The following DENND4C variants were observed in gnomAD, a reference collection of about 807,000 sequenced individuals.
The protein encoded by DENND4C is DENN domain containing 4C.
A neutral mutation model predicts 203.0 loss-of-function variants in DENND4C; 108 were observed. The ratio of observed to expected loss-of-function variants is 0.53; its 90% CI spans 0.46 to 0.62. The LOEUF (loss-of-function observed/expected upper bound fraction) is 0.62. Among genes scored for constraint, DENND4C ranks in the 20% least tolerant of loss-of-function variants. DENND4C has a pLI of 0.00. For missense variants in DENND4C, 2,481 were observed against 2,301.2 expected (o/e 1.08, Z -1.60); for synonymous variants, 871 against 792.4 (o/e 1.10, Z -1.67).
chr9:19,295,489 A>G (rs1407144477), intron 5 of DENND4C, among the ~76,000 whole-genome samples: 7 of 151,828 alleles, frequency 4.6e-5, no homozygotes, highest in Admixed American at 2.0e-4. Flanking sequence ...TGGGTGACAG[A>G]GCAAGACTCC....
chr9:19,300,035 A>T (rs917951347), intron 8 of DENND4C, 152 bp from the exon 9 acceptor site: 3 of 719,554 alleles, frequency 4.2e-6, no homozygotes, highest in African/African-American at 3.6e-5. Flanking sequence ...CCCGTTATCT[A>T]TCTTATTAAA....
At chr9:19,257,687 T>C (rs979346094) in intron 1 of DENND4C, among the ~76,000 whole-genome samples, 1 of 152,132 alleles carries the variant, frequency 6.6e-6, no homozygotes, top group Non-Finnish European at 1.5e-5. Flanking sequence ...ATTACTGATA[T>C]CAGAATTAGA....
At chr9:19,366,463 G>A (rs1012270530) in intron 30 of DENND4C, among the ~76,000 whole-genome samples, 2 of 152,140 alleles carry the variant, frequency 1.3e-5, no homozygotes, top group East Asian at 3.9e-4. Context: ...AATTAGCCAG[G>A]CGTGGTGGCG....
chr9:19,243,947 A>T (rs952051337), intron 1 of DENND4C, among the ~76,000 whole-genome samples: 6 of 152,150 alleles, frequency 3.9e-5, no homozygotes, highest in African/African-American at 1.4e-4. Context: ...AGTAGCTGGG[A>T]CTGTGGGTTT....
At chr9:19,364,198 GAA>G (rs754582697) in intron 30 of DENND4C, among the ~76,000 whole-genome samples, 1 of 138,054 alleles carries the variant, frequency 7.2e-6, no homozygotes, top group Admixed American at 7.2e-5. Context: ...TGTCTGTTAA[GAA>G]AAAAAAAAAG....
At chr9:19,286,642 A>G in intron 2 of DENND4C, 127 bp from the exon 3 acceptor site, 1 of 937,298 alleles carries the variant, frequency 1.1e-6, no homozygotes, top group Non-Finnish European at 1.4e-6. Context: ...AGGAGAGACC[A>G]AAAAAATTTT....
At chr9:19,251,367 C>T (rs1826547585) in intron 1 of DENND4C, among the ~76,000 whole-genome samples, 1 of 152,184 alleles carries the variant, frequency 6.6e-6, no homozygotes, top group Non-Finnish European at 1.5e-5. Context: ...ATGCTGGGCC[C>T]AGCCCACAAA....
intron 2 of DENND4C, among the ~76,000 whole-genome samples, chr9:19,278,801 T>C (rs1341324979): frequency 6.6e-6 from 1 of 152,124 alleles, no homozygotes; most frequent in Non-Finnish European, 1.5e-5. Context: ...ATTGAGCATA[T>C]GAGCCAGGTT....
chr9:19,271,165 G>A (rs1264759150), intron 1 of DENND4C, among the ~76,000 whole-genome samples: 2 of 149,914 alleles, frequency 1.3e-5, no homozygotes, highest in Non-Finnish European at 3.0e-5. Flanking sequence ...TAAAATCACA[G>A]TAGGCTTTTT....
chr9:19,261,464 T>A (rs949036268), intron 1 of DENND4C, among the ~76,000 whole-genome samples: 1 of 149,838 alleles, frequency 6.7e-6, no homozygotes, highest in African/African-American at 2.5e-5. Context: ...TTTTTTTTTT[T>A]AAACAACTTT....
chr9:19,298,233 A>C, intron 7 of DENND4C, 111 bp downstream of exon 7: 1 of 884,222 alleles, frequency 1.1e-6, no homozygotes, highest in Non-Finnish European at 1.7e-6. Flanking sequence ...TGCATTCATA[A>C]AGTCCTTGGA....
intron 2 of DENND4C, among the ~76,000 whole-genome samples, chr9:19,281,701 A>C (rs535167490): frequency 6.6e-6 from 1 of 152,354 alleles, no homozygotes; most frequent in East Asian, 1.9e-4. Context: ...ACATTCTGAG[A>C]AATGTGTTCT....
Position 19,360,434 on chromosome 9 carries a change from C to G in DENND4C, c.5351C>G (p.Pro1784Arg). 6.2e-7 allele frequency: 1 copy of G among 1,614,078 alleles called. No homozygotes were observed. The highest frequency in any genetic ancestry group is 8.5e-7 in the Non-Finnish European group (1 of 1,179,990). The part of the protein sequence containing the change: ...LVWYFRRLDL[P>R]SNLPGLILTS... ...TGGTATTTCAGACGTTTGGACCTTC[C>G]TAGTAACTTGCCAGGACTTATCCTC... Residue 1784 changes from proline (P) to arginine (R), a missense_variant, in exon 29 of 33, where the codon CCT becomes CGT. Physicochemically the swap from Pro to Arg is moderately radical, Grantham distance 103 (BLOSUM62 -2). Coordinates refer to ENST00000434457, the MANE Select transcript of DENND4C (RefSeq NM_001330640.2).
chr9:19,249,835 T>C (rs1392788435), intron 1 of DENND4C, among the ~76,000 whole-genome samples: 1 of 152,104 alleles, frequency 6.6e-6, no homozygotes, highest in East Asian at 1.9e-4. Context: ...TTTTAAATTT[T>C]TTTGTAGGGG....
chr9:19,368,321 G>T (rs1828113295), intron 30 of DENND4C, among the ~76,000 whole-genome samples: 1 of 150,608 alleles, frequency 6.6e-6, no homozygotes, highest in Admixed American at 6.6e-5. Flanking sequence ...TTATTTAGGG[G>T]CGGTGTTACA....
chr9:19,262,957 G>T (rs1829727836), intron 1 of DENND4C, among the ~76,000 whole-genome samples: 1 of 152,138 alleles, frequency 6.6e-6, no homozygotes, highest in South Asian at 2.1e-4. Flanking sequence ...CTCTAGCTAG[G>T]ACTTTCAGTA....
Position 19,370,041 on chromosome 9 carries a change from A to G in DENND4C, c.5675+54A>G, listed in dbSNP as rs1456080387. Reference sequence around the variant, plus strand: ...CCACTCAGTCATTTCATGTTTTTAAAAAAATATCTTACTTTTAAAAATATC... The same window carrying G: ...CCACTCAGTCATTTCATGTTTTTAAGAAAATATCTTACTTTTAAAAATATC... On this transcript the variant is annotated intron_variant, in intron 31 of 32. Transcript: ENST00000434457. 1.9e-6 allele frequency: 3 copies of G among 1,589,618 alleles called. No homozygotes were observed. The Admixed American group carries it at 5.0e-5, about 27-fold the overall frequency.
At chr9:19,297,703 T>G (rs1484540803) in intron 6 of DENND4C, among the ~76,000 whole-genome samples, 2 of 152,118 alleles carry the variant, frequency 1.3e-5, no homozygotes, top group Non-Finnish European at 2.9e-5. Flanking sequence ...TTAAACTGAA[T>G]TTTAGTGTAA....
chr9:19,360,568 G>A (rs75572195), intron 29 of DENND4C, 79 bp downstream of exon 29: 179,015 of 1,533,804 alleles, frequency 0.12, 15,740 homozygotes, highest in African/African-American at 0.46. Context: ...GTATACAACA[G>A]TAGCAGCTTA....
Sources: gnomAD v4.1 joint callset for allele counts (sites outside exome capture counted in the v4.1 genomes callset) on GRCh38, gnomAD v4.1.1 for gene constraint, MANE v1.5 for transcripts, NCBI Gene and HGNC (gene_info 2026-07-23, HGNC 2026-07-21) for gene names.